The following HS3ST4 variants were observed in gnomAD, a reference collection of about 807,000 sequenced individuals.
The protein encoded by HS3ST4 is heparan sulfate glucosamine 3-O-sulfotransferase 4.
HS3ST4 carries 17 observed loss-of-function variants against 29.2 expected under a neutral mutation model. That is an observed-to-expected ratio of 0.58 (90% confidence interval 0.40 to 0.87). HS3ST4 has a LOEUF of 0.87. Among genes scored for constraint, HS3ST4 ranks in the 40% least tolerant of loss-of-function variants. The pLI, the probability that HS3ST4 is intolerant of heterozygous loss-of-function variation, is 0.00. For missense variants in HS3ST4, 627 were observed against 634.5 expected (o/e 0.99, Z 0.13); for synonymous variants, 314 against 285.7 (o/e 1.10, Z -1.00).
At chr16:25,967,249 G>A (rs1968851172) in intron 1 of HS3ST4, among the ~76,000 whole-genome samples, 2 of 152,130 alleles carry the variant, frequency 1.3e-5, no homozygotes, top group South Asian at 4.1e-4. Flanking sequence ...CACCTCCTGG[G>A]TGCAAGTGGT....
In HS3ST4 at chr16:25,792,435, ATGTCTC is replaced by A. The variant is rs143682763; in HGVS notation, c.734+99288_734+99293del. ...CTGATGAAGCTGTCAGGGCCTGGAA[ATGTCTC>A]TGTTTGGCAGTTTTTATTTACATGT... On this transcript the variant is annotated intron_variant, in intron 1 of 1. Coordinates refer to ENST00000331351, the MANE Select transcript of HS3ST4 (RefSeq NM_006040.3). Among the ~76,000 whole-genome samples the A allele has an allele frequency of 1.7e-3, 255 of 152,068 alleles. 1 individual carries two copies. In the East Asian group the frequency reaches 0.029, roughly 17 times the overall value.
chr16:26,019,336 A>T (rs1316674790), intron 1 of HS3ST4, among the ~76,000 whole-genome samples: 1 of 152,210 alleles, frequency 6.6e-6, no homozygotes. Flanking sequence ...TTCATTATGT[A>T]TGCAAAAATG....
At chr16:25,922,949 T>C (rs1302774481) in intron 1 of HS3ST4, among the ~76,000 whole-genome samples, 1 of 152,188 alleles carries the variant, frequency 6.6e-6, no homozygotes, top group East Asian at 1.9e-4. Context: ...CATTGGTCAG[T>C]TTTCCTCTGA....
chr16:26,007,933 C>G (rs1969272873), intron 1 of HS3ST4, among the ~76,000 whole-genome samples: 1 of 148,906 alleles, frequency 6.7e-6, no homozygotes, highest in Non-Finnish European at 1.5e-5. Flanking sequence ...TTTTTTAAAG[C>G]AGGAATTCGG....
At chr16:25,812,421 C>T (rs1967050476) in intron 1 of HS3ST4, among the ~76,000 whole-genome samples, 1 of 152,194 alleles carries the variant, frequency 6.6e-6, no homozygotes, top group South Asian at 2.1e-4. Context: ...CTGCCGTTTC[C>T]CTTTCAAGTC....
Position 25,726,703 on chromosome 16 carries a change from A to C in HS3ST4, c.734+33552A>C, listed in dbSNP as rs78214636. ...TGACTTAGAATCTCAGTCACAGATG[A>C]AATTCGTGGCATCAGTCAATAGCGA... On this transcript the variant is annotated intron_variant, in intron 1 of 1. Coordinates refer to ENST00000331351, the MANE Select transcript of HS3ST4 (RefSeq NM_006040.3). Among the ~76,000 whole-genome samples the C allele has an allele frequency of 4.1e-4, 62 of 152,330 alleles. No homozygotes were observed. In the East Asian group the frequency reaches 0.012, roughly 29 times the overall value.
At chr16:26,125,375 C>T (rs996044515) in intron 1 of HS3ST4, among the ~76,000 whole-genome samples, 14 of 152,206 alleles carry the variant, frequency 9.2e-5, no homozygotes, top group Admixed American at 5.9e-4. Context: ...CAACCTAGAT[C>T]TCTTGCTTCC....
intron 1 of HS3ST4, among the ~76,000 whole-genome samples, chr16:26,043,039 T>C (rs1200250514): frequency 6.6e-6 from 1 of 152,216 alleles, no homozygotes; most frequent in Non-Finnish European, 1.5e-5. Context: ...GTTAAAAAGT[T>C]GCTATTCTTC....
intron 1 of HS3ST4, among the ~76,000 whole-genome samples, chr16:25,937,552 G>A (rs1386711906): frequency 1.3e-5 from 2 of 152,180 alleles, no homozygotes; most frequent in East Asian, 3.8e-4. Flanking sequence ...AAGCCTGCGA[G>A]TTCATGAAAC....
chr16:26,090,809 T>C lies in HS3ST4; in HGVS notation c.735-44803T>C, dbSNP rs542871434. ...GATGCCAGAGAGAGCTGGATAATTC[T>C]CCACCACCCTGGCCCCACCCCTCAC... is the stretch of plus-strand genomic sequence containing the variant. On this transcript the variant is annotated intron_variant, in intron 1 of 1. Coordinates refer to ENST00000331351, the MANE Select transcript of HS3ST4 (RefSeq NM_006040.3). Among the ~76,000 whole-genome samples the C allele has an allele frequency of 2.6e-3, 398 of 152,264 alleles. 1 individual carries two copies. The highest frequency in any genetic ancestry group is 9.2e-3 in the African/African-American group (381 of 41,536).
At chr16:25,695,494 G>A (rs368272379) in intron 1 of HS3ST4, among the ~76,000 whole-genome samples, 29 of 152,310 alleles carry the variant, frequency 1.9e-4, no homozygotes, top group African/African-American at 7.0e-4. Flanking sequence ...GTGCTTTGAG[G>A]CATTTGTGAA....
chr16:25,692,624 G>C lies in HS3ST4; in HGVS notation c.207G>C (p.Pro69=). 1 of 1,368,436 alleles carries C rather than the reference G, an allele frequency of 7.3e-7. No individual in the cohort carries two copies. The allele number at this position is 1,368,436 out of a possible 1,614,324, so 84.8% of individuals were successfully genotyped here. A position where few individuals can be genotyped will look rare whatever the true frequency, so the allele number is the denominator to read the frequency against. The change falls in exon 1 of 2, where the codon CCG becomes CCC. Residue 69 remains proline, a synonymous_variant. Coordinates refer to ENST00000331351, the MANE Select transcript of HS3ST4 (RefSeq NM_006040.3). ...TCCCTCTGGCGCTGCAGGAGTCGCC[G>C]GGCGCCGCCGCCGAGCCCCCGCCGA... is the stretch of plus-strand genomic sequence containing the variant. ...LQFPLALQES[P]GAAAEPPPSP...
At chr16:25,750,461 T>A (rs1191203923) in intron 1 of HS3ST4, among the ~76,000 whole-genome samples, 1 of 152,214 alleles carries the variant, frequency 6.6e-6, no homozygotes, top group Non-Finnish European at 1.5e-5. Flanking sequence ...TTTGCAGCTA[T>A]GCTTTATAGC....
At chr16:26,014,975 C>A (rs892381733) in intron 1 of HS3ST4, among the ~76,000 whole-genome samples, 4 of 152,132 alleles carry the variant, frequency 2.6e-5, no homozygotes, top group Non-Finnish European at 5.9e-5. Context: ...GAATACAGAC[C>A]TTTTGCATAA....
At chr16:25,860,528 A>G (rs1027421874) in intron 1 of HS3ST4, among the ~76,000 whole-genome samples, 11 of 152,176 alleles carry the variant, frequency 7.2e-5, no homozygotes, top group African/African-American at 1.2e-4. Flanking sequence ...AGAATGGACT[A>G]TTATTCAGTG....
chr16:26,072,623 G>A (rs1165144700), intron 1 of HS3ST4, among the ~76,000 whole-genome samples: 1 of 152,052 alleles, frequency 6.6e-6, no homozygotes, highest in Non-Finnish European at 1.5e-5. Context: ...CAGTATTTTA[G>A]GTTGTCTTTA....
intron 1 of HS3ST4, among the ~76,000 whole-genome samples, chr16:26,011,501 A>G (rs1279474552): frequency 1.3e-5 from 2 of 152,194 alleles, no homozygotes; most frequent in Non-Finnish European, 2.9e-5. Flanking sequence ...CAGAAGTTGC[A>G]GTGAGCTGAG....
At chr16:25,772,041 A>G (rs187541271) in intron 1 of HS3ST4, among the ~76,000 whole-genome samples, 28 of 152,340 alleles carry the variant, frequency 1.8e-4, no homozygotes, top group Non-Finnish European at 3.2e-4. Context: ...CATGAGCCAT[A>G]TGGTCTCTGT....
intron 1 of HS3ST4, among the ~76,000 whole-genome samples, chr16:25,693,441 G>GAACC (rs924432753): frequency 3.9e-5 from 6 of 152,186 alleles, no homozygotes; most frequent in African/African-American, 1.4e-4. Flanking sequence ...CCAAGCCTGG[G>GAACC]AACCCCCAGC....
Sources: gnomAD v4.1 joint callset for allele counts (sites outside exome capture counted in the v4.1 genomes callset) on GRCh38, gnomAD v4.1.1 for gene constraint, MANE v1.5 for transcripts, NCBI Gene and HGNC (gene_info 2026-07-23, HGNC 2026-07-21) for gene names.